The following CUBN variants were observed in gnomAD, a reference collection of about 807,000 sequenced individuals.
CUBN encodes the protein 460 kDa receptor.
In CUBN, 282 loss-of-function variants were observed where a neutral mutation model predicts 405.3. That is an observed-to-expected ratio of 0.70 (90% CI 0.63 to 0.77). The LOEUF (loss-of-function observed/expected upper bound fraction) is 0.77, where lower values mean the gene tolerates loss of function less well. Ranked by LOEUF, CUBN falls within the 30% of genes least tolerant of loss-of-function variation. CUBN has a pLI of 0.00. For missense variants in CUBN, 4,514 were observed against 4,475.2 expected, an observed-to-expected ratio of 1.01 and a Z score of -0.25; for synonymous variants, 1,684 against 1,617.0, an observed-to-expected ratio of 1.04 and a Z score of -0.99.
chr10:16,928,319 G>GA lies in CUBN; in HGVS notation c.6125-17_6125-16insT. The GA allele has an allele frequency of 6.2e-7, 1 of 1,613,210 alleles. No individual in the cohort carries two copies. The highest frequency in any genetic ancestry group is 2.2e-5 in the East Asian group (1 of 44,856). ...TTATTATCTCCTACGTTGAAAGAAA[G>GA]GGAACAACATGAAAATACATCTTGA... On this transcript the variant is annotated splice_polypyrimidine_tract_variant and intron_variant, in intron 40 of 66. Transcript: ENST00000377833.
intron 39 of CUBN, 62 bp downstream of exon 39, chr10:16,937,530 C>T: frequency 7.0e-7 from 1 of 1,419,416 alleles, no homozygotes; most frequent in Non-Finnish European, 9.9e-7. Context: ...TGATAGGATC[C>T]TTTGAAACAT....
rs553276724 is a variant in CUBN at position 16,984,872 on chromosome 10, G to A, written c.4351-593C>T. 9.2e-5 allele frequency among the ~76,000 whole-genome samples: 14 copies of A among 152,276 alleles called. No individual in the cohort carries two copies. In the East Asian group the frequency reaches 2.3e-3, roughly 25 times the overall value. ...CACGTATGCTTCTTTAGGAGGAGTG[G>A]AAATACCAGCTCTCTGGGTGTGTTT... is the stretch of plus-strand genomic sequence containing the variant. On this transcript the variant is annotated intron_variant, in intron 29 of 66. Transcript: ENST00000377833.
intron 28 of CUBN, among the ~76,000 whole-genome samples, chr10:17,006,555 C>G (rs1308798082): frequency 6.6e-6 from 1 of 152,142 alleles, no homozygotes; most frequent in Non-Finnish European, 1.5e-5. Flanking sequence ...CAGTGATAAA[C>G]AAAGGCTAAT....
chr10:16,894,136 C>T (rs77583492), intron 54 of CUBN, among the ~76,000 whole-genome samples: 8,391 of 152,132 alleles, frequency 0.055, 792 homozygotes, highest in East Asian at 0.33. Context: ...AGTACATTGC[C>T]TATGTGAAGA....
intron 33 of CUBN, among the ~76,000 whole-genome samples, chr10:16,951,752 G>C (rs1378000215): frequency 6.6e-6 from 1 of 152,212 alleles, no homozygotes; most frequent in Non-Finnish European, 1.5e-5. Context: ...TGCTGGAATA[G>C]TACCTTGCAG....
rs749733908 is a variant in CUBN at position 16,940,207 on chromosome 10, G to A, written c.5373C>T (p.Cys1791=). 2 of 1,613,976 alleles carry A rather than the reference G, an allele frequency of 1.2e-6. No individual in the cohort carries two copies. Among genetic ancestry groups the A allele is most frequent in the South Asian group, 2.2e-5 (2 of 91,090 alleles). Reference sequence around the variant, plus strand: ...CACGGATCTCCACAAAATCTCTGCTGCAGTCCTGAGAGTCTTCCAACTGGA... The same window carrying A: ...CACGGATCTCCACAAAATCTCTGCTACAGTCCTGAGAGTCTTCCAACTGGA... The part of the protein sequence containing the change: ...ISFQLEDSQD[C]SRDFVEIREG... The change falls in exon 37 of 67, where the codon TGC becomes TGT. Residue 1791 remains cysteine, a synonymous_variant. Transcript: ENST00000377833.
intron 14 of CUBN, 83 bp from the exon 15 acceptor site, chr10:17,088,428 G>T: frequency 8.7e-7 from 1 of 1,152,274 alleles, no homozygotes; most frequent in Non-Finnish European, 1.3e-6. Flanking sequence ...GGCGTAAGAA[G>T]CCAAACTTTG....
At chr10:17,007,479 C>G (rs938672918) in intron 28 of CUBN, among the ~76,000 whole-genome samples, 6 of 152,148 alleles carry the variant, frequency 3.9e-5, no homozygotes, top group African/African-American at 1.2e-4. Flanking sequence ...TTTGTAAATG[C>G]GTTTGTGTAT....
chr10:16,969,126 T>C lies in CUBN; in HGVS notation c.4695+13358A>G, dbSNP rs144897885. On this transcript the variant is annotated intron_variant, in intron 31 of 66. Transcript: ENST00000377833. ...GCTCATGTGGCTCACAACACGAAGA[T>C]TGTATATCAATAACAATGCCAGGGA... Among the ~76,000 whole-genome samples, 661 of 152,340 alleles carry C rather than the reference T, an allele frequency of 4.3e-3. 5 individuals carry two copies. Among genetic ancestry groups the C allele is most frequent in the African/African-American group, 0.015 (627 of 41,574 alleles).
intron 24 of CUBN, 82 bp downstream of exon 24, chr10:17,045,852 G>A: frequency 6.4e-6 from 9 of 1,400,046 alleles, no homozygotes; most frequent in South Asian, 1.2e-5. Context: ...ATGGACAAGT[G>A]AGGGACAGAG....
intron 9 of CUBN, among the ~76,000 whole-genome samples, chr10:17,110,577 G>C (rs964977044): frequency 6.6e-6 from 1 of 151,938 alleles, no homozygotes; most frequent in Non-Finnish European, 1.5e-5. Flanking sequence ...GCCTAGGCTG[G>C]AGTGCAATGG....
chr10:17,124,468 G>A (rs1157666596), intron 4 of CUBN, among the ~76,000 whole-genome samples: 1 of 148,232 alleles, frequency 6.7e-6, no homozygotes, highest in Non-Finnish European at 1.5e-5. Flanking sequence ...TTGCTCTGTC[G>A]CCCAGGCTGG....
chr10:17,115,631 C>T lies in CUBN; in HGVS notation c.594-34G>A, dbSNP rs2295813. 1,523,078 of 1,613,440 alleles carry T rather than the reference C, an allele frequency of 0.94. 719,464 individuals are homozygous for T. The highest frequency in any genetic ancestry group is 0.96 in the Middle Eastern group (5,792 of 6,058). On this transcript the variant is annotated intron_variant, in intron 6 of 66. Transcript: ENST00000377833. ...TACACAAGAGCACAATGTCAGGGCA[C>T]GCGCTTTGGGGCCAGTGCCTGTCTC... is the stretch of plus-strand genomic sequence containing the variant.
rs185590027 is a variant in CUBN, at chr10:16,874,197, G to A, written c.9236+177C>T. On this transcript the variant is annotated intron_variant, in intron 58 of 66. Coordinates refer to ENST00000377833, the MANE Select transcript of CUBN (RefSeq NM_001081.4). The stretch of plus-strand genomic sequence containing the variant: ...TTGCCCTTAGTTACTACCGGCTTGT[G>A]TGGAGAGGGGGAGCGTCATTTCCCA... 1.5e-3 allele frequency among the ~76,000 whole-genome samples: 225 copies of A among 152,300 alleles called. 1 individual carries two copies. Among genetic ancestry groups the A allele is most frequent in the Admixed American group, 2.9e-3 (45 of 15,292 alleles).
At position 16,901,403 on chromosome 10, in the gene CUBN, T is replaced by G; in HGVS notation, c.8119A>C (p.Asn2707His). ...SGVITSPNYPNAYDSLTHCSS... is the reference protein window; with the variant it reads ...SGVITSPNYPHAYDSLTHCSS... ...CAGTGGGTCAGGCTGTCATAAGCATTTGGATAGTTGGGGCTTGTGATCACT... is the reference window on the plus strand; with the variant it reads ...CAGTGGGTCAGGCTGTCATAAGCATGTGGATAGTTGGGGCTTGTGATCACT... The change falls in exon 52 of 67, where the codon AAT (asparagine) becomes CAT (histidine). Residue 2707 changes from asparagine to histidine, a missense_variant. Asn to His is a moderately conservative substitution (Grantham distance 68). Coordinates refer to ENST00000377833, the MANE Select transcript of CUBN (RefSeq NM_001081.4). The G allele has an allele frequency of 2.5e-6, 4 of 1,614,140 alleles. No individual in the cohort carries two copies. Among genetic ancestry groups the G allele is most frequent in the Non-Finnish European group, 3.4e-6 (4 of 1,179,996 alleles).
intron 31 of CUBN, among the ~76,000 whole-genome samples, chr10:16,976,062 C>A (rs1398366114): frequency 6.7e-6 from 1 of 150,112 alleles, no homozygotes; most frequent in Non-Finnish European, 1.5e-5. Flanking sequence ...CTCCTGCCTT[C>A]CACCCTCAAG....
chr10:16,954,041 A>C (rs189355777), intron 32 of CUBN, among the ~76,000 whole-genome samples: 28 of 152,358 alleles, frequency 1.8e-4, no homozygotes, highest in African/African-American at 6.3e-4. Context: ...ATCTGAATAC[A>C]TTACAAGCAA....
chr10:16,971,631 G>A (rs1278594344), intron 31 of CUBN, among the ~76,000 whole-genome samples: 2 of 151,928 alleles, frequency 1.3e-5, no homozygotes, highest in African/African-American at 4.8e-5. Flanking sequence ...GAAAAATCTT[G>A]TGCCAAGCCA....
chr10:17,079,288 T>C (rs1278225146), intron 17 of CUBN, among the ~76,000 whole-genome samples: 1 of 145,660 alleles, frequency 6.9e-6, no homozygotes, highest in African/African-American at 2.6e-5. Context: ...CAAGCTGGAG[T>C]ATAGTGGCGT....
Sources: allele counts gnomAD v4.1 joint callset (sites outside exome capture counted in the v4.1 genomes callset), GRCh38; gene constraint gnomAD v4.1.1; transcripts MANE v1.5; gene names NCBI Gene and HGNC (gene_info 2026-07-23, HGNC 2026-07-21).